Variants in LPP observed in about 807,000 individuals in gnomAD.
LPP encodes the protein lipoma-preferred partner.
LPP carries 38 observed loss-of-function variants against 60.4 expected under a neutral mutation model. The ratio of observed to expected loss-of-function variants is 0.63; its 90% CI spans 0.49 to 0.83. LPP has a LOEUF of 0.83. Ranked by LOEUF, LPP falls within the 40% of genes least tolerant of loss-of-function variation. LPP has a pLI of 0.00. For missense variants in LPP, 902 were observed against 783.6 expected (o/e 1.15, Z -1.80); for synonymous variants, 328 against 290.8 (o/e 1.13, Z -1.30).
At position 188,609,886 on chromosome 3, in the gene LPP, C is replaced by T. The variant is rs1391799265; in HGVS notation, c.1113+42C>T. 2.6e-6 allele frequency: 4 copies of T among 1,539,606 alleles called. No homozygotes were observed. Among genetic ancestry groups the T allele is most frequent in the African/African-American group, 1.4e-5 (1 of 72,270 alleles). ...CATAAGGAGGAGAATACAGGGGTGC[C>T]TATCTTAGTCTGCCTTCCCCAGGAA... On this transcript the variant is annotated intron_variant, in intron 7 of 11. Transcript: ENST00000617246. The surrounding 1 kb of genome is among the most constrained non-coding windows in gnomAD (Gnocchi z 6.9).
rs1166853094 is a variant in LPP, at chr3:188,883,602, G to A, written c.*9123G>A. On this transcript the variant is annotated 3_prime_UTR_variant, in exon 12 of 12. Transcript: ENST00000617246. ...ACAAAAATTAGCCGGGCGTGTTGGC[G>A]GGCGCCTGTAGTCCCAACTACTTGG... 7 of 180,036 alleles carry A rather than the reference G, an allele frequency of 3.9e-5. No individual in the cohort carries two copies. The highest frequency in any genetic ancestry group is 2.0e-4 in the South Asian group (1 of 5,044). The allele number at this position is 180,036 out of a possible 1,614,324, so 11.2% of individuals were successfully genotyped here. A position where few individuals can be genotyped will look rare whatever the true frequency, so the allele number is the denominator to read the frequency against.
chr3:188,232,108 A>G (rs1184218630), intron 2 of LPP, among the ~76,000 whole-genome samples: 2 of 152,182 alleles, frequency 1.3e-5, no homozygotes, highest in African/African-American at 4.8e-5. Flanking sequence ...CCTTTTCAAA[A>G]TCAAGCTCCG....
chr3:188,730,532 G>A (rs9825482), intron 8 of LPP, among the ~76,000 whole-genome samples: 33,878 of 152,156 alleles, frequency 0.22, 4,745 homozygotes, highest in Middle Eastern at 0.46. Context: ...TGGTAAGGAA[G>A]TATGAGTGAA....
chr3:188,554,382 G>A (rs973710402), intron 6 of LPP, among the ~76,000 whole-genome samples: 1 of 152,146 alleles, frequency 6.6e-6, no homozygotes, highest in African/African-American at 2.4e-5. Flanking sequence ...GATATGTCCT[G>A]TAAACAAACC....
intron 2 of LPP, among the ~76,000 whole-genome samples, chr3:188,329,987 G>T (rs1348117929): frequency 1.3e-5 from 2 of 152,074 alleles, no homozygotes; most frequent in East Asian, 3.8e-4. Flanking sequence ...TGTGCCCTTT[G>T]CTCCCCAATT....
intron 2 of LPP, among the ~76,000 whole-genome samples, chr3:188,229,427 G>A (rs557697514): frequency 2.0e-4 from 31 of 152,324 alleles, no homozygotes; most frequent in Non-Finnish European, 1.8e-4. Flanking sequence ...AGAAGTATCA[G>A]GTATTAGTCT....
At chr3:188,337,881 T>G (rs1275337600) in intron 2 of LPP, among the ~76,000 whole-genome samples, 1 of 152,230 alleles carries the variant, frequency 6.6e-6, no homozygotes, top group Non-Finnish European at 1.5e-5. Context: ...GGCCTCTGGT[T>G]GGCCATGCTA....
chr3:188,448,779 T>G (rs373178510), intron 4 of LPP, among the ~76,000 whole-genome samples: 3 of 152,212 alleles, frequency 2.0e-5, no homozygotes, highest in East Asian at 3.8e-4. Flanking sequence ...TTTGCACTAT[T>G]TCTTAGTGTG....
chr3:188,738,241 A>C (rs1245532175), intron 8 of LPP, among the ~76,000 whole-genome samples: 1 of 152,112 alleles, frequency 6.6e-6, no homozygotes, highest in East Asian at 1.9e-4. Context: ...GTGAATCTGT[A>C]GACTCCTTTG....
chr3:188,707,372 A>G (rs1288011578), intron 7 of LPP, among the ~76,000 whole-genome samples: 1 of 152,106 alleles, frequency 6.6e-6, no homozygotes, highest in Non-Finnish European at 1.5e-5. Context: ...AAGACTATAC[A>G]TTTTATATGG....
At chr3:188,229,470 A>G (rs2149350671) in intron 2 of LPP, among the ~76,000 whole-genome samples, 1 of 152,356 alleles carries the variant, frequency 6.6e-6, no homozygotes, top group Middle Eastern at 3.4e-3. Flanking sequence ...CACTTCCGTC[A>G]GAGGTGAATG....
chr3:188,730,292 G>A (rs1161046815), intron 8 of LPP, among the ~76,000 whole-genome samples: 1 of 152,152 alleles, frequency 6.6e-6, no homozygotes, highest in Non-Finnish European at 1.5e-5. Flanking sequence ...TATTTATTTT[G>A]ATGAAGCAAA....
At chr3:188,407,469 T>C (rs1382890136) in intron 4 of LPP, among the ~76,000 whole-genome samples, 1 of 152,232 alleles carries the variant, frequency 6.6e-6, no homozygotes, top group African/African-American at 2.4e-5. Context: ...ATGGCTAAGC[T>C]GCAGCTGTGG....
At chr3:188,295,871 G>T (rs990599244) in intron 2 of LPP, among the ~76,000 whole-genome samples, 1 of 152,022 alleles carries the variant, frequency 6.6e-6, no homozygotes, top group Admixed American at 6.6e-5. Flanking sequence ...TAAACCCAGG[G>T]GCAGTGTAGG....
chr3:188,737,189 G>T (rs1223790066), intron 8 of LPP, among the ~76,000 whole-genome samples: 4 of 152,044 alleles, frequency 2.6e-5, no homozygotes, highest in Non-Finnish European at 2.9e-5. Flanking sequence ...TTTATAAAAA[G>T]AAATATATAG....
intron 9 of LPP, among the ~76,000 whole-genome samples, chr3:188,858,107 C>T (rs1334845117): frequency 6.6e-6 from 1 of 152,212 alleles, no homozygotes; most frequent in African/African-American, 2.4e-5. Context: ...CTTTTTCCTA[C>T]TGTTTCACTA....
intron 6 of LPP, among the ~76,000 whole-genome samples, chr3:188,564,954 T>A (rs1580003247): frequency 6.6e-6 from 1 of 152,072 alleles, no homozygotes; most frequent in East Asian, 1.9e-4. Flanking sequence ...GGCCTCCTCA[T>A]CCTACGCCGT....
intron 2 of LPP, among the ~76,000 whole-genome samples, chr3:188,328,978 C>T (rs538288688): frequency 6.6e-6 from 1 of 152,328 alleles, no homozygotes; most frequent in Admixed American, 6.5e-5. Context: ...AGTGAAATCA[C>T]TCCCTTGATT....
At chr3:188,342,652 G>A (rs1205420475) in intron 3 of LPP, among the ~76,000 whole-genome samples, 1 of 152,116 alleles carries the variant, frequency 6.6e-6, no homozygotes, top group African/African-American at 2.4e-5. Context: ...TTATATCTAT[G>A]ACCTCGAACT....
Sources: allele counts gnomAD v4.1 joint callset (sites outside exome capture counted in the v4.1 genomes callset), GRCh38; gene constraint gnomAD v4.1.1; non-coding constraint Gnocchi (gnomAD v3.1); transcripts MANE v1.5; gene names NCBI Gene and HGNC (gene_info 2026-07-23, HGNC 2026-07-21).